Variants in TBL1XR1 observed in about 807,000 individuals in gnomAD.
TBL1XR1 encodes the protein TBL1X/Y related 1.
A neutral mutation model predicts 66.9 loss-of-function variants in TBL1XR1; 5 were observed. The observed-to-expected ratio is 0.07, with a 90% CI of 0.04 to 0.16. TBL1XR1 has a LOEUF of 0.16. Among genes scored for constraint, TBL1XR1 ranks in the 10% least tolerant of loss-of-function variants. The pLI is 1.00. For missense variants in TBL1XR1, 238 were observed against 623.2 expected, an observed-to-expected ratio of 0.38 and a Z score of 6.58; for synonymous variants, 210 against 206.0, an observed-to-expected ratio of 1.02 and a Z score of -0.17.
At chr3:177,174,856 T>A (rs182530150) in intron 1 of TBL1XR1, among the ~76,000 whole-genome samples, 13 of 152,294 alleles carry the variant, frequency 8.5e-5, no homozygotes, top group Non-Finnish European at 1.8e-4. Context: ...CCGTTCCGTT[T>A]AAAATCCTTC....
intron 3 of TBL1XR1, among the ~76,000 whole-genome samples, chr3:177,058,475 TTTA>T (rs1718090749): frequency 6.6e-6 from 1 of 152,216 alleles, no homozygotes; most frequent in Admixed American, 6.5e-5. Context: ...CTGAAATAAT[TTTA>T]ATAGCATCAT....
intron 1 of TBL1XR1, among the ~76,000 whole-genome samples, chr3:177,135,307 C>CTGTCTGTGTGTGTGTGTG (rs1553852678): frequency 0.013 from 963 of 72,170 alleles, 152 homozygotes; most frequent in Middle Eastern, 0.021. Flanking sequence ...AGGCCGCACT[C>CTGTCTGTGTGTGTGTGTG]TGTGTGTGTG....
intron 1 of TBL1XR1, among the ~76,000 whole-genome samples, chr3:177,156,641 C>T (rs1418549071): frequency 6.6e-6 from 1 of 150,770 alleles, no homozygotes; most frequent in African/African-American, 2.4e-5. Flanking sequence ...AATGCCACAA[C>T]AATTACATGA....
At chr3:177,139,736 T>G (rs1465080450) in intron 1 of TBL1XR1, among the ~76,000 whole-genome samples, 1 of 150,764 alleles carries the variant, frequency 6.6e-6, no homozygotes, top group Non-Finnish European at 1.5e-5. Flanking sequence ...ACGTAAGACA[T>G]GCAAAAGTGG....
rs1649341063 is a variant in TBL1XR1 at position 177,187,305 on chromosome 3, G to C, written c.-122+9816C>G. 1.3e-5 allele frequency among the ~76,000 whole-genome samples: 2 copies of C among 150,448 alleles called. 1 individual carries two copies. Among genetic ancestry groups the C allele is most frequent in the South Asian group, 4.2e-4 (2 of 4,762 alleles). On this transcript the variant is annotated intron_variant, in intron 1 of 15. Coordinates refer to ENST00000457928, the MANE Select transcript of TBL1XR1 (RefSeq NM_024665.7). ...GCTGCTCGGGAGACTGAGGCAGGGA[G>C]AATCGCTTGAACCCGGGAGGCAGAG...
chr3:177,125,744 A>G (rs1727539456), intron 1 of TBL1XR1, among the ~76,000 whole-genome samples: 2 of 152,208 alleles, frequency 1.3e-5, no homozygotes, highest in Admixed American at 1.3e-4. Context: ...CACTAAGACA[A>G]TTAAAATAGC....
chr3:177,173,389 G>T (rs1028622703), intron 1 of TBL1XR1, among the ~76,000 whole-genome samples: 1 of 152,094 alleles, frequency 6.6e-6, no homozygotes, highest in Non-Finnish European at 1.5e-5. Context: ...GAAGGAACTT[G>T]GCACACATTA....
chr3:177,047,558 G>A lies in TBL1XR1; in HGVS notation c.703-9C>T. 1 of 1,611,396 alleles carries A rather than the reference G, an allele frequency of 6.2e-7. No individual in the cohort carries two copies. Among genetic ancestry groups the A allele is most frequent in the Non-Finnish European group, 8.5e-7 (1 of 1,178,490 alleles). On this transcript the variant is annotated splice_polypyrimidine_tract_variant and intron_variant, in intron 7 of 15. Coordinates refer to ENST00000457928, the MANE Select transcript of TBL1XR1 (RefSeq NM_024665.7). ...AGAAGTGTACCTTCACTCTGCCAGAGAAAAACATTTCTTTAATTATATAAT... is the reference window on the plus strand; with the variant it reads ...AGAAGTGTACCTTCACTCTGCCAGAAAAAAACATTTCTTTAATTATATAAT...
At chr3:177,077,557 C>T (rs116306677) in intron 2 of TBL1XR1, among the ~76,000 whole-genome samples, 2 of 152,294 alleles carry the variant, frequency 1.3e-5, no homozygotes, top group African/African-American at 2.4e-5. Context: ...TGTATTATTA[C>T]GACAGCCTAA....
At chr3:177,157,046 G>C (rs1403878459) in intron 1 of TBL1XR1, among the ~76,000 whole-genome samples, 1 of 152,098 alleles carries the variant, frequency 6.6e-6, no homozygotes. Context: ...GTGTAAACAG[G>C]TGTAATCATT....
chr3:177,071,031 G>GTTTTTTTT lies in TBL1XR1; in HGVS notation c.-45-6017_-45-6010dup, dbSNP rs764951521. Among the ~76,000 whole-genome samples the GTTTTTTTT allele has an allele frequency of 3.2e-3, 335 of 104,642 alleles. 22 individuals carry two copies. The highest frequency in any genetic ancestry group is 0.012 in the African/African-American group (314 of 25,812). 68.6% of individuals were successfully genotyped at this position (104,642 alleles called of 152,430 possible). A position where few individuals can be genotyped will look rare whatever the true frequency, so the allele number is the denominator to read the frequency against. On this transcript the variant is annotated intron_variant, in intron 2 of 15. Transcript: ENST00000457928. Reference sequence around the variant, plus strand: ...TGGAACAGACATGTTCTGAGAATCTGTTTTTTTTTTTTTTTTTGAGACAGA... The same window carrying GTTTTTTTT: ...TGGAACAGACATGTTCTGAGAATCTGTTTTTTTTTTTTTTTTTTTTTTTTTGAGACAGA...
chr3:177,158,783 C>A (rs182520934), intron 1 of TBL1XR1, among the ~76,000 whole-genome samples: 1 of 152,256 alleles, frequency 6.6e-6, no homozygotes, highest in African/African-American at 2.4e-5. Context: ...TTGGACACTA[C>A]TAACAGCCCT....
upstream of TBL1XR1, among the ~76,000 whole-genome samples, chr3:177,197,705 C>T (rs1257751936): frequency 1.2e-3 from 117 of 95,952 alleles, no homozygotes; most frequent in Admixed American, 2.2e-3. Context: ...GCGGCGGCGG[C>T]GCGGCGGGGG....
intron 2 of TBL1XR1, among the ~76,000 whole-genome samples, chr3:177,084,452 T>C (rs1721877043): frequency 1.3e-5 from 2 of 152,278 alleles, no homozygotes; most frequent in Non-Finnish European, 2.9e-5. Flanking sequence ...GCATAATGTT[T>C]CAGAGATTAA....
At chr3:177,177,275 C>A (rs899803185) in intron 1 of TBL1XR1, among the ~76,000 whole-genome samples, 1 of 152,026 alleles carries the variant, frequency 6.6e-6, no homozygotes, top group Admixed American at 6.6e-5. Context: ...CACGGTGAAA[C>A]CCCATCTCTA....
rs1158814038 is a variant in TBL1XR1, at chr3:177,035,514, C to T, written c.1123-1189G>A. ...ACTGCAACTCCGTCCCCCGGGTTCACGCAATTCTCCTGCCTCAGCCTCCAG... is the reference window on the plus strand; with the variant it reads ...ACTGCAACTCCGTCCCCCGGGTTCATGCAATTCTCCTGCCTCAGCCTCCAG... On this transcript the variant is annotated intron_variant, in intron 12 of 15. Coordinates refer to ENST00000457928, the MANE Select transcript of TBL1XR1 (RefSeq NM_024665.7). Among the ~76,000 whole-genome samples, 2 of 151,174 alleles carry T rather than the reference C, an allele frequency of 1.3e-5. 1 individual carries two copies. Among genetic ancestry groups the T allele is most frequent in the Non-Finnish European group, 2.9e-5 (2 of 67,858 alleles).
intron 3 of TBL1XR1, among the ~76,000 whole-genome samples, chr3:177,060,952 G>A (rs937406542): frequency 5.3e-5 from 8 of 152,086 alleles, no homozygotes; most frequent in African/African-American, 1.9e-4. Flanking sequence ...TCTCTAAAGA[G>A]AAAAAAATCA....
At chr3:177,182,673 A>G (rs1560273703) in intron 1 of TBL1XR1, among the ~76,000 whole-genome samples, 3 of 152,142 alleles carry the variant, frequency 2.0e-5, no homozygotes, top group African/African-American at 4.8e-5. Flanking sequence ...GAGGCAACAA[A>G]TAACTCTCAA....
intron 1 of TBL1XR1, among the ~76,000 whole-genome samples, chr3:177,175,065 T>C (rs765650441): frequency 1.2e-4 from 19 of 152,216 alleles, no homozygotes; most frequent in Non-Finnish European, 1.0e-4. Context: ...TGCCTTCTTC[T>C]CATGTCTTAT....
Sources: gnomAD v4.1 joint callset for allele counts (sites outside exome capture counted in the v4.1 genomes callset) on GRCh38, gnomAD v4.1.1 for gene constraint, MANE v1.5 for transcripts, NCBI Gene and HGNC (gene_info 2026-07-23, HGNC 2026-07-21) for gene names.